The following MEGF10 variants were observed in gnomAD, a reference collection of about 807,000 sequenced individuals.
MEGF10 encodes the protein multiple epidermal growth factor-like domains protein 10.
Under a neutral mutation model 147.5 loss-of-function variants are expected in MEGF10, and 86 were observed. The observed-to-expected ratio is 0.58, with a 90% CI of 0.49 to 0.70. The LOEUF (loss-of-function observed/expected upper bound fraction) is 0.70, where lower values mean the gene tolerates loss of function less well. MEGF10 is among the 30% of genes least tolerant of loss of function. The probability of loss-of-function intolerance (pLI) is 0.00; values close to 1 mark genes in which losing one functional copy is unlikely to be tolerated. For missense variants in MEGF10, 1,329 were observed against 1,487.3 expected (o/e 0.89, Z 1.75); for synonymous variants, 478 against 525.5 (o/e 0.91, Z 1.24).
intron 4 of MEGF10, among the ~76,000 whole-genome samples, chr5:127,345,881 C>T (rs1253273151): frequency 2.6e-5 from 4 of 152,126 alleles, no homozygotes; most frequent in Non-Finnish European, 5.9e-5. Flanking sequence ...CAAAGCCTAT[C>T]GTATCATTCG....
At chr5:127,273,181 G>A in the MEGF10 span, among the ~76,000 whole-genome samples, 1 of 152,192 alleles carries the variant, frequency 6.6e-6, no homozygotes, top group Non-Finnish European at 1.5e-5. Context: ...AAACCCTGAT[G>A]GCATGGGCTC....
At chr5:127,302,786 T>TGAGGA (rs1464384267) in intron 1 of MEGF10, among the ~76,000 whole-genome samples, 8 of 152,090 alleles carry the variant, frequency 5.3e-5, no homozygotes, top group Non-Finnish European at 1.0e-4. Context: ...AGTCTGTTTA[T>TGAGGA]GAGGAAAGGA....
chr5:127,292,862 A>G (rs1245311581), intron 1 of MEGF10, among the ~76,000 whole-genome samples: 1 of 150,358 alleles, frequency 6.7e-6, no homozygotes, highest in African/African-American at 2.4e-5. Context: ...TAGGTTTTAT[A>G]TTTTAAAAAT....
At chr5:127,447,132 G>C (rs1178054655) in intron 20 of MEGF10, among the ~76,000 whole-genome samples, 2 of 152,130 alleles carry the variant, frequency 1.3e-5, no homozygotes. Flanking sequence ...ATTCTGCCCA[G>C]CTTGTGATAT....
intron 8 of MEGF10, among the ~76,000 whole-genome samples, chr5:127,404,560 T>A (rs553884906): frequency 6.6e-6 from 1 of 152,278 alleles, no homozygotes; most frequent in East Asian, 1.9e-4. Flanking sequence ...TGTGCATCCT[T>A]CTTTTAATGC....
intron 1 of MEGF10, among the ~76,000 whole-genome samples, chr5:127,320,276 G>T (rs575497268): frequency 1.3e-5 from 2 of 152,230 alleles, no homozygotes; most frequent in Non-Finnish European, 2.9e-5. Flanking sequence ...ATGGCATCAG[G>T]TCCTGAATTT....
chr5:127,366,589 G>A (rs932862552), intron 4 of MEGF10, among the ~76,000 whole-genome samples: 1 of 152,108 alleles, frequency 6.6e-6, no homozygotes, highest in Non-Finnish European at 1.5e-5. Flanking sequence ...TTAACTTACA[G>A]GCAAATTTGT....
the MEGF10 span, among the ~76,000 whole-genome samples, chr5:127,256,275 A>T: frequency 6.6e-6 from 1 of 152,236 alleles, no homozygotes. Flanking sequence ...TTTGAGCTTG[A>T]TCAGGTGATA....
chr5:127,435,238 G>A, intron 15 of MEGF10, 123 bp from the exon 16 acceptor site: 1 of 1,163,922 alleles, frequency 8.6e-7, no homozygotes, highest in East Asian at 2.5e-5. Context: ...ATGCTGTTGA[G>A]CAGAGATAGC....
chr5:127,406,626 T>A (rs1764336307), intron 8 of MEGF10, among the ~76,000 whole-genome samples: 1 of 152,058 alleles, frequency 6.6e-6, no homozygotes, highest in Non-Finnish European at 1.5e-5. Context: ...TGCACAGAAT[T>A]CCCAGGATGT....
intron 4 of MEGF10, among the ~76,000 whole-genome samples, chr5:127,359,348 GT>G (rs140801368): frequency 2.0e-5 from 3 of 150,168 alleles, no homozygotes; most frequent in East Asian, 2.0e-4. Context: ...TTACTCTAGG[GT>G]TTTTTTTTGT....
At chr5:127,414,368 C>A (rs79399825) in intron 9 of MEGF10, among the ~76,000 whole-genome samples, 428 of 151,882 alleles carry the variant, frequency 2.8e-3, no homozygotes, top group African/African-American at 9.6e-3. Context: ...GGGATCATAC[C>A]ATCTAGGATG....
rs947897243 is a variant in MEGF10 at position 127,374,207 on chromosome 5, A to G, written c.412+4205A>G. Reference sequence around the variant, plus strand: ...TGGAGCAGCTATTGGCACTGCGCTTACATTGCAGAAGCTTGGTGCTTTAGG... The same window carrying G: ...TGGAGCAGCTATTGGCACTGCGCTTGCATTGCAGAAGCTTGGTGCTTTAGG... On this transcript the variant is annotated intron_variant, in intron 5 of 24. Transcript: ENST00000503335. Among the ~76,000 whole-genome samples the G allele has an allele frequency of 1.4e-4, 21 of 152,360 alleles. No homozygotes were observed. The East Asian group carries it at 1.7e-3, about 13-fold the overall frequency.
intron 11 of MEGF10, 108 bp from the exon 12 acceptor site, chr5:127,419,936 G>A: frequency 1.6e-6 from 2 of 1,287,964 alleles, no homozygotes; most frequent in East Asian, 4.9e-5. Context: ...CTGTGGCTGG[G>A]GCTTGCATCT....
Position 127,391,589 on chromosome 5 carries a change from G to A in MEGF10, c.413-4943G>A, listed in dbSNP as rs1763699171. Among the ~76,000 whole-genome samples, 5 of 146,550 alleles carry A rather than the reference G, an allele frequency of 3.4e-5. No homozygotes were observed. In the South Asian group the frequency reaches 1.1e-3, roughly 32 times the overall value. ...TGTCTAAAATAAAAAAAAAAAAAAA[G>A]AGAGTGCTGGTTTCCACACAAAGGG... On this transcript the variant is annotated intron_variant, in intron 5 of 24. Transcript: ENST00000503335.
chr5:127,255,107 G>A, the MEGF10 span, among the ~76,000 whole-genome samples: 1 of 151,968 alleles, frequency 6.6e-6, no homozygotes, highest in African/African-American at 2.4e-5. Context: ...CAGTCTTTAT[G>A]TACTGAGTCA....
chr5:127,317,525 A>G (rs541840605), intron 1 of MEGF10, among the ~76,000 whole-genome samples: 1 of 152,306 alleles, frequency 6.6e-6, no homozygotes, highest in African/African-American at 2.4e-5. Flanking sequence ...TCAGCTTTCT[A>G]CATAGAAAAT....
chr5:127,443,479 C>A (rs993899860), intron 19 of MEGF10, among the ~76,000 whole-genome samples: 1 of 151,890 alleles, frequency 6.6e-6, no homozygotes, highest in Non-Finnish European at 1.5e-5. Flanking sequence ...AAAAAACACA[C>A]CTATTTAATG....
In MEGF10 at chr5:127,376,614, T is replaced by C. The variant is rs73783767; in HGVS notation, c.412+6612T>C. Among the ~76,000 whole-genome samples the C allele has an allele frequency of 3.9e-3, 598 of 152,220 alleles. 3 individuals carry two copies. Among genetic ancestry groups the C allele is most frequent in the African/African-American group, 0.014 (574 of 41,546 alleles). ...TAAACTGTCAGGAGAGAGAGTCTGC[T>C]GATATAAAAGGGGGCAGAAGGGCGG... On this transcript the variant is annotated intron_variant, in intron 5 of 24. Transcript: ENST00000503335.
Sources: gnomAD v4.1 joint callset for allele counts (sites outside exome capture counted in the v4.1 genomes callset) on GRCh38, gnomAD v4.1.1 for gene constraint, MANE v1.5 for transcripts, NCBI Gene and HGNC (gene_info 2026-07-23, HGNC 2026-07-21) for gene names.